Variants in PLEKHM3 observed in about 807,000 individuals in gnomAD.
PLEKHM3 encodes pleckstrin homology domain containing M3.
A neutral mutation model predicts 81.8 loss-of-function variants in PLEKHM3; 45 were observed. The ratio of observed to expected loss-of-function variants is 0.55; its 90% CI spans 0.43 to 0.71. PLEKHM3 has a LOEUF of 0.71. PLEKHM3 is among the 30% of genes least tolerant of loss of function. The pLI, the probability that PLEKHM3 is intolerant of heterozygous loss-of-function variation, is 0.00. For missense variants in PLEKHM3, 788 were observed against 924.3 expected (o/e 0.85, Z 1.91); for synonymous variants, 352 against 356.4 (o/e 0.99, Z 0.14).
Position 207,865,801 on chromosome 2 carries a change from A to AAAAAAAAAAAAAAAAAAAAAAAAT in PLEKHM3, c.1951-4540_1951-4539insATTTTTTTTTTTTTTTTTTTTTTT. On this transcript the variant is annotated intron_variant, in intron 6 of 7. Transcript: ENST00000427836. ...CGACTCAAAAAAAAAAAAAAAAAAA[A>AAAAAAAAAAAAAAAAAAAAAAAAT]AGATATATATATATATATATATATA... 1.2e-4 allele frequency among the ~76,000 whole-genome samples: 3 copies of AAAAAAAAAAAAAAAAAAAAAAAAT among 25,300 alleles called. 1 individual carries two copies. The highest frequency in any genetic ancestry group is 2.3e-4 in the Non-Finnish European group (3 of 13,198). The allele number at this position is 25,300 out of a possible 152,430, so 16.6% of individuals were successfully genotyped here. A position where few individuals can be genotyped will look rare whatever the true frequency, so the allele number is the denominator to read the frequency against.
intron 6 of PLEKHM3, among the ~76,000 whole-genome samples, chr2:207,886,205 T>C (rs1330038061): frequency 3.3e-5 from 5 of 152,202 alleles, no homozygotes. Flanking sequence ...GTGATATTAT[T>C]AAAATCTGGT....
intron 2 of PLEKHM3, among the ~76,000 whole-genome samples, chr2:207,993,302 T>C (rs1460571273): frequency 6.6e-6 from 1 of 152,176 alleles, no homozygotes; most frequent in Non-Finnish European, 1.5e-5. Flanking sequence ...AAAATCAATT[T>C]TCTGTGACCT....
Position 208,001,782 on chromosome 2 carries a change from C to T in PLEKHM3, c.-143G>A, listed in dbSNP as rs1462622695. 1 of 1,365,134 alleles carries T rather than the reference C, an allele frequency of 7.3e-7. No homozygotes were observed. Among genetic ancestry groups the T allele is most frequent in the Non-Finnish European group, 9.8e-7 (1 of 1,017,814 alleles). The allele number at this position is 1,365,134 out of a possible 1,614,324, so 84.6% of individuals were successfully genotyped here. On this transcript the variant is annotated 5_prime_UTR_variant, in exon 2 of 8. Transcript: ENST00000427836. ...CCTTCATTGGGCTCCCTGGAGCAGG[C>T]CAAACCCAAAGTGGTTGATGTTTTC...
At chr2:207,949,776 TA>T (rs1449780898) in intron 3 of PLEKHM3, among the ~76,000 whole-genome samples, 1 of 152,052 alleles carries the variant, frequency 6.6e-6, no homozygotes, top group East Asian at 1.9e-4. Context: ...CAAAGAACAC[TA>T]AAAAAAATTT....
chr2:207,989,595 TC>T (rs1691832223), intron 2 of PLEKHM3, among the ~76,000 whole-genome samples: 1 of 152,134 alleles, frequency 6.6e-6, no homozygotes, highest in African/African-American at 2.4e-5. Flanking sequence ...CTAATCTGAG[TC>T]CTCATCACAC....
At chr2:207,966,658 T>A (rs1388568408) in intron 3 of PLEKHM3, among the ~76,000 whole-genome samples, 1 of 151,834 alleles carries the variant, frequency 6.6e-6, no homozygotes, top group African/African-American at 2.4e-5. Context: ...GTTCAAGAGG[T>A]TCTCCTACCT....
intron 7 of PLEKHM3, among the ~76,000 whole-genome samples, chr2:207,860,453 C>T (rs1325206784): frequency 6.6e-6 from 1 of 152,016 alleles, no homozygotes; most frequent in Admixed American, 6.6e-5. Flanking sequence ...CCCAAAGAGG[C>T]CAGTGCACAC....
At chr2:207,848,427 T>C (rs574873946) in intron 7 of PLEKHM3, among the ~76,000 whole-genome samples, 16 of 152,340 alleles carry the variant, frequency 1.1e-4, no homozygotes, top group African/African-American at 3.8e-4. Flanking sequence ...TCAGCCTCCA[T>C]GGAGCCTTCT....
chr2:207,844,172 T>C (rs2092369910), intron 7 of PLEKHM3, among the ~76,000 whole-genome samples: 1 of 152,192 alleles, frequency 6.6e-6, no homozygotes, highest in South Asian at 2.1e-4. Flanking sequence ...ACTAGATCTT[T>C]CAGTCTAAGT....
intron 2 of PLEKHM3, among the ~76,000 whole-genome samples, chr2:207,993,516 T>A (rs371270966): frequency 1.0e-4 from 10 of 96,800 alleles, no homozygotes; most frequent in Admixed American, 6.0e-4. Context: ...TTTTTTTTTT[T>A]AAAGTGAAAG....
chr2:207,861,591 G>A (rs1478649915), intron 6 of PLEKHM3, among the ~76,000 whole-genome samples: 1 of 152,160 alleles, frequency 6.6e-6, no homozygotes, highest in Non-Finnish European at 1.5e-5. Context: ...AGAGGAGTGT[G>A]GTAGGTTTCC....
chr2:208,001,027 T>A lies in PLEKHM3; in HGVS notation c.610+3A>T. On this transcript the variant is annotated splice_donor_region_variant and intron_variant, in intron 2 of 7. Transcript: ENST00000427836. ...AGGAAATAAATAAAATTTAAAAACA[T>A]ACCAGTATTTCCTTGAGCATCTTCT... The A allele has an allele frequency of 1.3e-6, 2 of 1,490,834 alleles. No homozygotes were observed. Among genetic ancestry groups the A allele is most frequent in the African/African-American group, 1.4e-5 (1 of 69,758 alleles). The allele number at this position is 1,490,834 out of a possible 1,614,324, so 92.4% of individuals were successfully genotyped here.
intron 1 of PLEKHM3, among the ~76,000 whole-genome samples, chr2:208,016,386 T>C (rs1013339840): frequency 6.6e-6 from 1 of 151,526 alleles, no homozygotes; most frequent in Non-Finnish European, 1.5e-5. Flanking sequence ...GGTTCACACC[T>C]ATAATCCCAG....
rs927267632 is a variant in PLEKHM3, at chr2:207,821,314, G to GAA, written c.*7004_*7005insTT. ...ATTTTCTGCATTGTTTATTGAGAGAGAGAGAGAGAGAACTTTATACATTAG... is the reference window on the plus strand; with the variant it reads ...ATTTTCTGCATTGTTTATTGAGAGAGAAAGAGAGAGAGAACTTTATACATTAG... On this transcript the variant is annotated 3_prime_UTR_variant, in exon 8 of 8. Transcript: ENST00000427836. 2.0e-5 allele frequency: 3 copies of GAA among 152,180 alleles called. No individual in the cohort carries two copies. Among genetic ancestry groups the GAA allele is most frequent in the African/African-American group, 7.2e-5 (3 of 41,430 alleles). 9.4% of individuals were successfully genotyped at this position (152,180 alleles called of 1,614,324 possible). A position where few individuals can be genotyped will look rare whatever the true frequency, so the allele number is the denominator to read the frequency against.
intron 6 of PLEKHM3, among the ~76,000 whole-genome samples, chr2:207,890,420 G>A (rs1241291676): frequency 6.6e-6 from 1 of 152,126 alleles, no homozygotes; most frequent in Non-Finnish European, 1.5e-5. Flanking sequence ...TTGAGGTCAG[G>A]AGTTCGAGAC....
chr2:207,854,649 G>A lies in PLEKHM3; in HGVS notation c.2108+6456C>T, dbSNP rs186283135. On this transcript the variant is annotated intron_variant, in intron 7 of 7. Coordinates refer to ENST00000427836, the MANE Select transcript of PLEKHM3 (RefSeq NM_001080475.3). ...TGTTTAACTGGAAACTGAACACCAA[G>A]AGAAAGCTCAACAGGTTTCTGAAAA... is the stretch of plus-strand genomic sequence containing the variant. Among the ~76,000 whole-genome samples, 10 of 152,280 alleles carry A rather than the reference G, an allele frequency of 6.6e-5. 1 individual carries two copies. Among genetic ancestry groups the A allele is most frequent in the Admixed American group, 3.3e-4 (5 of 15,294 alleles).
chr2:207,970,855 A>AG (rs1691095633), intron 3 of PLEKHM3, among the ~76,000 whole-genome samples: 1 of 152,196 alleles, frequency 6.6e-6, no homozygotes, highest in Middle Eastern at 3.2e-3. Context: ...CAAGGGTTGG[A>AG]GGGAAAAAAA....
chr2:207,950,258 C>T (rs943734472), intron 3 of PLEKHM3, among the ~76,000 whole-genome samples: 2 of 152,192 alleles, frequency 1.3e-5, no homozygotes, highest in Non-Finnish European at 2.9e-5. Context: ...TAGGTTTGAA[C>T]CTGTCTGCAT....
intron 1 of PLEKHM3, among the ~76,000 whole-genome samples, chr2:208,005,615 T>C (rs1014171401): frequency 1.3e-5 from 2 of 152,228 alleles, no homozygotes; most frequent in African/African-American, 2.4e-5. Flanking sequence ...CTACTGTTCA[T>C]GTTAACCTTG....
Sources: gnomAD v4.1 joint callset for allele counts (sites outside exome capture counted in the v4.1 genomes callset) on GRCh38, gnomAD v4.1.1 for gene constraint, MANE v1.5 for transcripts, NCBI Gene and HGNC (gene_info 2026-07-23, HGNC 2026-07-21) for gene names.